KDM4C: variants seen among roughly 807,000 people sequenced by gnomAD.
KDM4C encodes lysine demethylase 4C, also known as lysine-specific demethylase 4C.
A neutral mutation model predicts 129.3 loss-of-function variants in KDM4C; 81 were observed. That is an observed-to-expected ratio of 0.63 (90% CI 0.52 to 0.75). The LOEUF is 0.75. Ranked by LOEUF, KDM4C falls within the 30% of genes least tolerant of loss-of-function variation. The probability of loss-of-function intolerance (pLI) is 0.00; values close to 1 mark genes in which losing one functional copy is unlikely to be tolerated. For missense variants in KDM4C, 1,457 were observed against 1,304.0 expected, an observed-to-expected ratio of 1.12 and a Z score of -1.81; for synonymous variants, 573 against 456.1, an observed-to-expected ratio of 1.26 and a Z score of -3.26.
At chr9:6,831,491 T>C (rs909966531) in intron 4 of KDM4C, among the ~76,000 whole-genome samples, 4 of 152,138 alleles carry the variant, frequency 2.6e-5, no homozygotes, top group African/African-American at 7.2e-5. Flanking sequence ...TACAGGTGTG[T>C]GCCACCACGC....
intron 8 of KDM4C, among the ~76,000 whole-genome samples, chr9:6,939,256 C>G (rs1825396698): frequency 1.3e-5 from 2 of 152,094 alleles, no homozygotes; most frequent in Non-Finnish European, 2.9e-5. Context: ...GAGTGTGAAC[C>G]CTGTTGTGAA....
intron 8 of KDM4C, among the ~76,000 whole-genome samples, chr9:6,914,721 A>C (rs1819994608): frequency 6.6e-6 from 1 of 152,200 alleles, no homozygotes; most frequent in African/African-American, 2.4e-5. Context: ...GTTCTAACAA[A>C]AGGGCTTGAG....
At chr9:6,740,131 C>T (rs1009441540) in intron 1 of KDM4C, among the ~76,000 whole-genome samples, 2 of 152,142 alleles carry the variant, frequency 1.3e-5, no homozygotes, top group African/African-American at 4.8e-5. Context: ...CTCAGGTGAT[C>T]TGCCTGCCTT....
rs1818824492 is a variant in KDM4C at position 6,758,888 on chromosome 9, G to C, written c.-18+685G>C. Among the ~76,000 whole-genome samples the C allele has an allele frequency of 6.6e-6, 1 of 152,268 alleles. No individual in the cohort carries two copies. On this transcript the variant is annotated intron_variant, in intron 1 of 21. Transcript: ENST00000381309. This position sits in a 1 kb window ranked among gnomAD's most constrained non-coding sequence, Gnocchi z 4.6. ...AGTGGGGACGTGGAGGAGGGAGCCA[G>C]ACAGGCCGGGGCTGTAGGCAGGAGC...
At chr9:6,834,715 C>T in intron 4 of KDM4C, 4 of 904,166 alleles carry the variant, frequency 4.4e-6, no homozygotes, top group South Asian at 3.9e-5. Flanking sequence ...AGATCTGGCA[C>T]CACACCTTCT....
chr9:6,933,453 C>T (rs573378225), intron 8 of KDM4C, among the ~76,000 whole-genome samples: 46 of 152,190 alleles, frequency 3.0e-4, no homozygotes, highest in Non-Finnish European at 6.0e-4. Flanking sequence ...GCTTGGACCA[C>T]ATTCAGGGTC....
chr9:7,003,081 G>T (rs994541186), intron 12 of KDM4C, among the ~76,000 whole-genome samples: 1 of 152,148 alleles, frequency 6.6e-6, no homozygotes, highest in Non-Finnish European at 1.5e-5. Context: ...TGTCAGGCTG[G>T]TCTCGAACTC....
intron 4 of KDM4C, among the ~76,000 whole-genome samples, chr9:6,833,472 G>A (rs1472224461): frequency 6.6e-6 from 1 of 152,120 alleles, no homozygotes; most frequent in South Asian, 2.1e-4. Context: ...GTTTGGCCAC[G>A]TGGCTTCAGA....
chr9:6,840,675 G>A (rs1173309998), intron 4 of KDM4C, among the ~76,000 whole-genome samples: 1 of 152,210 alleles, frequency 6.6e-6, no homozygotes, highest in Non-Finnish European at 1.5e-5. Flanking sequence ...GGGATTACAG[G>A]CATGAGCCAC....
chr9:6,772,680 T>C (rs922618059), intron 1 of KDM4C, among the ~76,000 whole-genome samples: 5 of 149,492 alleles, frequency 3.3e-5, no homozygotes, highest in Non-Finnish European at 7.4e-5. Flanking sequence ...TTCTTTGATT[T>C]TTTTTCTTTT....
intron 17 of KDM4C, among the ~76,000 whole-genome samples, chr9:7,097,478 C>T (rs192737015): frequency 1.2e-4 from 19 of 152,334 alleles, no homozygotes; most frequent in Admixed American, 1.2e-3. Context: ...CACTCTCCTG[C>T]CACATCATGG....
intron 8 of KDM4C, among the ~76,000 whole-genome samples, chr9:6,964,797 A>C (rs1385566599): frequency 2.0e-5 from 3 of 150,702 alleles, no homozygotes; most frequent in African/African-American, 7.3e-5. Flanking sequence ...AAAAAAAAAA[A>C]AAAACCACAG....
In KDM4C at chr9:7,011,779, C is replaced by G. The variant is rs144567752; in HGVS notation, c.1868C>G (p.Thr623Arg). 2 of 1,614,088 alleles carry G rather than the reference C, an allele frequency of 1.2e-6. No homozygotes were observed. Among genetic ancestry groups the G allele is most frequent in the East Asian group, 2.2e-5 (1 of 44,878 alleles). The change falls in exon 13 of 22, where the codon ACG (threonine) becomes AGG (arginine). Residue 623 changes from threonine to arginine, a missense_variant. Physicochemically the swap from Thr to Arg is moderately conservative, Grantham distance 71. Coordinates refer to ENST00000381309, the MANE Select transcript of KDM4C (RefSeq NM_015061.6). ...AAACCTCTCATCCACCTTTGGCAGA[C>G]GAAGTCCCCTAACTTCGCAGCTGAG... ...WAKPLIHLWQ[T>R]KSPNFAAEQE...
At chr9:6,742,262 C>T (rs1002844009) in intron 1 of KDM4C, among the ~76,000 whole-genome samples, 1 of 151,016 alleles carries the variant, frequency 6.6e-6, no homozygotes, top group South Asian at 2.1e-4. Context: ...CATCCGCCCG[C>T]CTTGGCCCCC....
At chr9:7,124,693 G>A (rs4742312) in intron 18 of KDM4C, among the ~76,000 whole-genome samples, 84,423 of 151,750 alleles carry the variant, frequency 0.56, 23,642 homozygotes, top group Middle Eastern at 0.65. Context: ...CAATTAAATC[G>A]GGCTTCTTAC....
chr9:7,029,247 A>G lies in KDM4C; in HGVS notation c.2259+13318A>G, dbSNP rs1826323316. On this transcript the variant is annotated intron_variant, in intron 15 of 21. Transcript: ENST00000381309. Reference sequence around the variant, plus strand: ...AATTTAATGCCAATATGCTCACCATAAAAATGTAGAATTTGGAGAGCTTTC... The same window carrying G: ...AATTTAATGCCAATATGCTCACCATGAAAATGTAGAATTTGGAGAGCTTTC... 2.0e-5 allele frequency among the ~76,000 whole-genome samples: 3 copies of G among 151,428 alleles called. No individual in the cohort carries two copies. The South Asian group carries it at 6.3e-4, about 32-fold the overall frequency.
intron 12 of KDM4C, among the ~76,000 whole-genome samples, chr9:6,998,560 C>T (rs1442771668): frequency 6.6e-6 from 1 of 152,158 alleles, no homozygotes; most frequent in Non-Finnish European, 1.5e-5. Context: ...CTTTGGGAGG[C>T]CGAGGCAGGC....
chr9:6,793,401 A>G (rs903531277), intron 2 of KDM4C, among the ~76,000 whole-genome samples: 1 of 151,922 alleles, frequency 6.6e-6, no homozygotes. Context: ...AAGGAGATCC[A>G]TGTATGGGTT....
At chr9:6,966,429 C>G (rs921970450) in intron 8 of KDM4C, among the ~76,000 whole-genome samples, 4 of 152,222 alleles carry the variant, frequency 2.6e-5, no homozygotes, top group African/African-American at 7.2e-5. Flanking sequence ...CTCTGCCTCC[C>G]AAAGTGCTGG....
Sources: gnomAD v4.1 joint callset for allele counts (sites outside exome capture counted in the v4.1 genomes callset) on GRCh38, gnomAD v4.1.1 for gene constraint, Gnocchi (gnomAD v3.1) non-coding constraint, MANE v1.5 for transcripts, NCBI Gene and HGNC (gene_info 2026-07-23, HGNC 2026-07-21) for gene names.